The following GOLPH3L variants were observed in gnomAD, a reference collection of about 807,000 sequenced individuals.
The protein encoded by GOLPH3L is golgi phosphoprotein 3 like, also known as Golgi phosphoprotein 3-like.
In GOLPH3L, 22 loss-of-function variants were observed where a neutral mutation model predicts 30.3. The observed-to-expected ratio is 0.73, with a 90% CI of 0.52 to 1.04. GOLPH3L has a LOEUF of 1.04. GOLPH3L is among the 50% of genes least tolerant of loss of function. The pLI is 0.00. For synonymous variants in GOLPH3L, 120 were observed against 128.2 expected, an observed-to-expected ratio of 0.94 and a Z score of 0.43; for missense variants, 303 against 345.8, an observed-to-expected ratio of 0.88 and a Z score of 0.98.
intron 2 of GOLPH3L, among the ~76,000 whole-genome samples, chr1:150,668,526 G>C (rs952163048): frequency 6.6e-6 from 1 of 152,100 alleles, no homozygotes; most frequent in Non-Finnish European, 1.5e-5. Context: ...GGGACTACAG[G>C]CGCGTGCCAC....
rs1342662621 is a variant in GOLPH3L at position 150,647,749 on chromosome 1, A to T, written c.*572T>A. The stretch of plus-strand genomic sequence containing the variant: ...AGGTAATTGAATCTGGGACATTCTC[A>T]TTAGGTTAGAAAAGGAAAGATGAGA... On this transcript the variant is annotated 3_prime_UTR_variant, in exon 5 of 5. Transcript: ENST00000271732. 6.5e-6 allele frequency: 1 copy of T among 152,740 alleles called. No homozygotes were observed. The highest frequency in any genetic ancestry group is 1.5e-5 in the Non-Finnish European group (1 of 68,118). The allele number at this position is 152,740 out of a possible 1,614,324, so 9.5% of individuals were successfully genotyped here.
intron 2 of GOLPH3L, among the ~76,000 whole-genome samples, chr1:150,676,488 T>C (rs1273925148): frequency 6.6e-6 from 1 of 152,080 alleles, no homozygotes; most frequent in African/African-American, 2.4e-5. Flanking sequence ...AGAACTGTAA[T>C]ACCAATATCA....
At chr1:150,689,158 A>T (rs1651154310) in intron 2 of GOLPH3L, among the ~76,000 whole-genome samples, 1 of 152,192 alleles carries the variant, frequency 6.6e-6, no homozygotes, top group Admixed American at 6.5e-5. Context: ...TATGATGAAA[A>T]GCTTTTCTTT....
intron 4 of GOLPH3L, among the ~76,000 whole-genome samples, chr1:150,656,943 T>A (rs1650252772): frequency 6.6e-6 from 1 of 152,154 alleles, no homozygotes. Flanking sequence ...TACAGATGGG[T>A]CTGGTAATGG....
intron 2 of GOLPH3L, among the ~76,000 whole-genome samples, chr1:150,681,809 G>A (rs960303062): frequency 2.2e-4 from 33 of 152,296 alleles, no homozygotes; most frequent in African/African-American, 7.7e-4. Context: ...GCTCACACCT[G>A]TAATCCTAGC....
chr1:150,662,338 C>A (rs1650385382), intron 3 of GOLPH3L, among the ~76,000 whole-genome samples: 1 of 151,586 alleles, frequency 6.6e-6, no homozygotes, highest in African/African-American at 2.4e-5. Flanking sequence ...ATGGCAAAAT[C>A]TTTTCTCTAT....
At position 150,646,426 on chromosome 1, in the gene GOLPH3L, G is replaced by A. The variant is rs1649980207; in HGVS notation, c.*1895C>T. On this transcript the variant is annotated 3_prime_UTR_variant, in exon 5 of 5. Coordinates refer to ENST00000271732, the MANE Select transcript of GOLPH3L (RefSeq NM_018178.6). ...CCCAATCAAGCTATAACTTTCCACA[G>A]GAAAACCTGGTTTCAATTCATGCCG... 6.6e-6 allele frequency: 1 copy of A among 152,112 alleles called. No individual in the cohort carries two copies. 9.4% of individuals were successfully genotyped at this position (152,112 alleles called of 1,614,324 possible). A position where few individuals can be genotyped will look rare whatever the true frequency, so the allele number is the denominator to read the frequency against.
At chr1:150,668,076 T>C (rs1650550834) in intron 2 of GOLPH3L, among the ~76,000 whole-genome samples, 1 of 152,204 alleles carries the variant, frequency 6.6e-6, no homozygotes, top group South Asian at 2.1e-4. Flanking sequence ...TGGATTAGGT[T>C]CTGCACCTGG....
intron 4 of GOLPH3L, among the ~76,000 whole-genome samples, chr1:150,658,748 A>G (rs1229142761): frequency 1.3e-5 from 2 of 152,232 alleles, no homozygotes; most frequent in East Asian, 1.9e-4. Flanking sequence ...AGAAATGGTA[A>G]GAAGTATGAC....
chr1:150,656,036 A>T (rs1237417774), intron 4 of GOLPH3L, among the ~76,000 whole-genome samples: 1 of 152,264 alleles, frequency 6.6e-6, no homozygotes, highest in African/African-American at 2.4e-5. Flanking sequence ...CATGTTAAAC[A>T]GTCCAACAAT....
At chr1:150,666,745 T>C (rs1650517437) in intron 2 of GOLPH3L, among the ~76,000 whole-genome samples, 1 of 152,236 alleles carries the variant, frequency 6.6e-6, no homozygotes, top group South Asian at 2.1e-4. Flanking sequence ...TTAGTTATTT[T>C]TCACATTTGT....
At chr1:150,671,116 C>T (rs970847449) in intron 2 of GOLPH3L, among the ~76,000 whole-genome samples, 2 of 152,058 alleles carry the variant, frequency 1.3e-5, no homozygotes, top group South Asian at 4.1e-4. Context: ...GTGGCCCGTG[C>T]CTGTAATCCC....
intron 2 of GOLPH3L, among the ~76,000 whole-genome samples, chr1:150,676,108 G>C (rs1291433168): frequency 6.6e-6 from 1 of 151,982 alleles, no homozygotes; most frequent in East Asian, 1.9e-4. Context: ...TAAGTAGCTG[G>C]AACTACCAGC....
chr1:150,661,025 C>G (rs936406211), intron 4 of GOLPH3L, among the ~76,000 whole-genome samples: 5 of 152,076 alleles, frequency 3.3e-5, no homozygotes, highest in Admixed American at 6.6e-5. Context: ...GTCAAGAGTT[C>G]GAGACAAGCC....
intron 2 of GOLPH3L, among the ~76,000 whole-genome samples, chr1:150,682,367 C>A (rs976504497): frequency 6.6e-6 from 1 of 152,014 alleles, no homozygotes; most frequent in African/African-American, 2.4e-5. Flanking sequence ...GTGGCTCACA[C>A]CTGTAATCCC....
intron 3 of GOLPH3L, 56 bp downstream of exon 3, chr1:150,663,576 G>A (rs1650422654): frequency 2.7e-6 from 4 of 1,482,050 alleles, no homozygotes; most frequent in Admixed American, 1.9e-5. Context: ...CTTCCCAAAT[G>A]TACTGTTGGT....
intron 2 of GOLPH3L, among the ~76,000 whole-genome samples, chr1:150,683,695 C>T (rs1428532472): frequency 5.3e-5 from 3 of 56,544 alleles, no homozygotes; most frequent in African/African-American, 2.3e-4. Flanking sequence ...GCGAGACTCT[C>T]TCTCAAAAAA....
At chr1:150,686,381 T>G (rs2101816581) in intron 2 of GOLPH3L, among the ~76,000 whole-genome samples, 1 of 152,218 alleles carries the variant, frequency 6.6e-6, no homozygotes, top group South Asian at 2.1e-4. Context: ...TGTTTTCATT[T>G]TTTTGTAGAG....
At chr1:150,650,515 G>A (rs2101773993) in intron 4 of GOLPH3L, among the ~76,000 whole-genome samples, 1 of 152,322 alleles carries the variant, frequency 6.6e-6, no homozygotes, top group African/African-American at 2.4e-5. Context: ...TGCACAGCAG[G>A]AGGTGAGCCA....
Sources: allele counts gnomAD v4.1 joint callset (sites outside exome capture counted in the v4.1 genomes callset), GRCh38; gene constraint gnomAD v4.1.1; transcripts MANE v1.5; gene names NCBI Gene and HGNC (gene_info 2026-07-23, HGNC 2026-07-21).